DPH6: variants seen among roughly 807,000 people sequenced by gnomAD.
DPH6 encodes diphthine--ammonia ligase.
In DPH6, 33 loss-of-function variants were observed where a neutral mutation model predicts 38.2. The observed-to-expected ratio is 0.86, with a 90% CI of 0.65 to 1.15. The LOEUF (loss-of-function observed/expected upper bound fraction) is 1.15, where lower values mean the gene tolerates loss of function less well. Among genes scored for constraint, DPH6 ranks in the 50% most tolerant of loss-of-function variants. The probability of loss-of-function intolerance (pLI) is 0.00; values close to 1 mark genes in which losing one functional copy is unlikely to be tolerated. For missense variants in DPH6, 325 were observed against 320.0 expected, an observed-to-expected ratio of 1.02 and a Z score of -0.12; for synonymous variants, 108 against 103.0, an observed-to-expected ratio of 1.05 and a Z score of -0.30.
At chr15:35,358,647 G>C (rs188376972) in intron 3 of DPH6, among the ~76,000 whole-genome samples, 1 of 152,236 alleles carries the variant, frequency 6.6e-6, no homozygotes, top group Admixed American at 6.5e-5. Context: ...AGTGATTGTT[G>C]TCTCTCTTCT....
intron 5 of DPH6, among the ~76,000 whole-genome samples, chr15:35,418,512 C>A (rs993251380): frequency 4.7e-4 from 71 of 152,030 alleles, no homozygotes; most frequent in African/African-American, 1.5e-3. Context: ...GCACTGATAA[C>A]TCCATGCAGA....
At chr15:35,423,795 A>G (rs989724861) in intron 5 of DPH6, among the ~76,000 whole-genome samples, 9 of 151,644 alleles carry the variant, frequency 5.9e-5, no homozygotes, top group African/African-American at 2.2e-4. Flanking sequence ...GTAGATATGG[A>G]TAATTTTCCT....
intron 6 of DPH6, among the ~76,000 whole-genome samples, chr15:35,385,031 T>A (rs755842097): frequency 6.6e-6 from 1 of 152,194 alleles, no homozygotes; most frequent in Non-Finnish European, 1.5e-5. Flanking sequence ...TCATCATCAC[T>A]GGTCATTAGA....
intron 3 of DPH6, among the ~76,000 whole-genome samples, chr15:35,289,358 A>T (rs2051964159): frequency 6.6e-6 from 1 of 152,220 alleles, no homozygotes; most frequent in Non-Finnish European, 1.5e-5. Flanking sequence ...AAACTCAAAC[A>T]TGGAGCAATT....
chr15:35,213,829 G>C (rs1034742098), downstream of DPH6, among the ~76,000 whole-genome samples: 4 of 152,110 alleles, frequency 2.6e-5, no homozygotes, highest in Non-Finnish European at 5.9e-5. Flanking sequence ...GCTTAAAGAA[G>C]AGGCCGGGCG....
intron 3 of DPH6, chr15:35,489,743 C>T: frequency 1.1e-5 from 11 of 981,306 alleles, no homozygotes; most frequent in Non-Finnish European, 1.3e-5. Context: ...GAACAGTATA[C>T]AGAAACTATA....
intron 6 of DPH6, among the ~76,000 whole-genome samples, chr15:35,388,347 G>C (rs2053001984): frequency 6.6e-6 from 1 of 152,116 alleles, no homozygotes; most frequent in Non-Finnish European, 1.5e-5. Flanking sequence ...CAGGATGATG[G>C]TGGCCTCATA....
intron 6 of DPH6, among the ~76,000 whole-genome samples, chr15:35,399,348 A>G (rs2053187946): frequency 6.6e-6 from 1 of 152,202 alleles, no homozygotes; most frequent in Non-Finnish European, 1.5e-5. Context: ...AAATTCTAGA[A>G]AGAACAAAAT....
chr15:35,532,029 CA>C (rs2055095794), intron 3 of DPH6, among the ~76,000 whole-genome samples: 1 of 152,052 alleles, frequency 6.6e-6, no homozygotes, highest in African/African-American at 2.4e-5. Context: ...GCAGGTTTCA[CA>C]AAAGAATATG....
chr15:35,521,349 A>C, intron 3 of DPH6: 1 of 1,018,464 alleles, frequency 9.8e-7, no homozygotes, highest in Non-Finnish European at 1.2e-6. Flanking sequence ...TTGAATGTAC[A>C]ATCCTATGAA....
intron 6 of DPH6, among the ~76,000 whole-genome samples, chr15:35,388,905 G>C (rs1003742649): frequency 1.8e-4 from 27 of 151,962 alleles, no homozygotes; most frequent in Non-Finnish European, 3.7e-4. Flanking sequence ...GTTTCCTCTT[G>C]CTTCTCTAGT....
intron 3 of DPH6, among the ~76,000 whole-genome samples, chr15:35,363,986 T>C (rs2052635853): frequency 6.6e-6 from 1 of 152,028 alleles, no homozygotes; most frequent in African/African-American, 2.4e-5. Flanking sequence ...CTCGGAGACA[T>C]CATGTTATTC....
intron 5 of DPH6, among the ~76,000 whole-genome samples, chr15:35,446,230 T>C (rs12898826): frequency 7.7e-4 from 2 of 2,598 alleles, no homozygotes; most frequent in Admixed American, 6.0e-3. Context: ...TTTTTTTTCC[T>C]TTTTTTTTTT....
At chr15:35,392,312 T>C (rs1421166284) in intron 6 of DPH6, among the ~76,000 whole-genome samples, 1 of 152,144 alleles carries the variant, frequency 6.6e-6, no homozygotes, top group Non-Finnish European at 1.5e-5. Context: ...ATGATTTCCC[T>C]AAGATTGTAA....
chr15:35,360,480 G>GA (rs1415015458), intron 3 of DPH6, among the ~76,000 whole-genome samples: 1 of 152,188 alleles, frequency 6.6e-6, no homozygotes, highest in Non-Finnish European at 1.5e-5. Flanking sequence ...ATAGATGGGG[G>GA]ATAGAGTCAA....
At chr15:35,407,477 A>G (rs1384254697) in intron 6 of DPH6, among the ~76,000 whole-genome samples, 1 of 152,020 alleles carries the variant, frequency 6.6e-6, no homozygotes, top group African/African-American at 2.4e-5. Flanking sequence ...GAATGAAAGA[A>G]CCAAAGAACT....
chr15:35,161,146 TA>T, the DPH6 span, among the ~76,000 whole-genome samples: 14 of 151,672 alleles, frequency 9.2e-5, no homozygotes, highest in African/African-American at 2.9e-4. Flanking sequence ...ATAATAATAA[TA>T]AAAAAAACAC....
intron 3 of DPH6, among the ~76,000 whole-genome samples, chr15:35,483,108 T>C (rs2054348746): frequency 1.3e-5 from 2 of 151,832 alleles, no homozygotes; most frequent in Admixed American, 1.3e-4. Flanking sequence ...AAAATACAGA[T>C]GAATGGCCAA....
At chr15:35,412,529 G>C (rs138063011) in intron 5 of DPH6, among the ~76,000 whole-genome samples, 6 of 151,796 alleles carry the variant, frequency 4.0e-5, no homozygotes, top group African/African-American at 1.4e-4. Flanking sequence ...ACCTGCACAT[G>C]GATATTTATA....
Sources: gnomAD v4.1 joint callset for allele counts (sites outside exome capture counted in the v4.1 genomes callset) on GRCh38, gnomAD v4.1.1 for gene constraint, MANE v1.5 for transcripts, NCBI Gene and HGNC (gene_info 2026-07-23, HGNC 2026-07-21) for gene names.